KIF14: variants seen among roughly 807,000 people sequenced by gnomAD.
KIF14 encodes kinesin-like protein KIF14.
A neutral mutation model predicts 176.2 loss-of-function variants in KIF14; 98 were observed. The ratio of observed to expected loss-of-function variants is 0.56; its 90% CI spans 0.47 to 0.66. The LOEUF is 0.66. Among genes scored for constraint, KIF14 ranks in the 30% least tolerant of loss-of-function variants. The probability of loss-of-function intolerance (pLI) is 0.00; values close to 1 mark genes in which losing one functional copy is unlikely to be tolerated. For synonymous variants in KIF14, 566 were observed against 632.2 expected (o/e 0.90, Z 1.57); for missense variants, 1,751 against 1,920.4 (o/e 0.91, Z 1.65).
In KIF14 at chr1:200,552,396, A is replaced by C. The variant is rs1380166359; in HGVS notation, c.*992T>G. 1 of 152,104 alleles carries C rather than the reference A, an allele frequency of 6.6e-6. No individual in the cohort carries two copies. The highest frequency in any genetic ancestry group is 1.9e-4 in the East Asian group (1 of 5,196). 9.4% of individuals were successfully genotyped at this position (152,104 alleles called of 1,614,324 possible). On this transcript the variant is annotated 3_prime_UTR_variant, in exon 30 of 30. Transcript: ENST00000367350. Reference sequence around the variant, plus strand: ...CTTTAATCTTCATCAAATCATATACAAATTATTTCATTATACCTTTAACAA... The same window carrying C: ...CTTTAATCTTCATCAAATCATATACCAATTATTTCATTATACCTTTAACAA...
intron 4 of KIF14, among the ~76,000 whole-genome samples, chr1:200,612,010 T>TG (rs1660179939): frequency 6.6e-6 from 1 of 151,902 alleles, no homozygotes; most frequent in Non-Finnish European, 1.5e-5. Context: ...CTTTTTTTTT[T>TG]TCTTTTTTTT....
At chr1:200,605,441 A>G in intron 7 of KIF14, 51 bp from the exon 8 acceptor site, 1 of 1,310,744 alleles carries the variant, frequency 7.6e-7, no homozygotes, top group Non-Finnish European at 1.1e-6. Flanking sequence ...TAACTCAATG[A>G]TATAAAAATT....
At chr1:200,560,656 G>A in intron 26 of KIF14, 66 bp downstream of exon 26, 1 of 1,498,580 alleles carries the variant, frequency 6.7e-7, no homozygotes, top group East Asian at 2.3e-5. Flanking sequence ...GTTTAGTACT[G>A]TACTATTATC....
intron 21 of KIF14, among the ~76,000 whole-genome samples, chr1:200,578,269 T>C (rs184659440): frequency 6.6e-6 from 1 of 152,282 alleles, no homozygotes; most frequent in East Asian, 1.9e-4. Context: ...TCCTTTGTTT[T>C]ATTTTGTTTT....
At chr1:200,609,054 CA>C (rs1193071376) in intron 4 of KIF14, 126 bp from the exon 5 acceptor site, 18 of 490,590 alleles carry the variant, frequency 3.7e-5, no homozygotes, top group Middle Eastern at 5.4e-4. Context: ...AACATAAAGA[CA>C]AACAGCCCAA....
Position 200,565,512 on chromosome 1 carries a change from T to C in KIF14, c.3819A>G (p.Lys1273=), listed in dbSNP as rs944330354. 11 of 1,610,500 alleles carry C rather than the reference T, an allele frequency of 6.8e-6. No individual in the cohort carries two copies. The highest frequency in any genetic ancestry group is 1.3e-5 in the African/African-American group (1 of 74,822). ...IADSLINSFL[K]IYNGLFAISK... The stretch of plus-strand genomic sequence containing the variant: ...AAATGGCAAATAGCCCATTATAAAT[T>C]TTAAGAAAACTATTAATTAGGCTGT... Residue 1273 remains lysine, a synonymous_variant, in exon 24 of 30, where the codon AAA becomes AAG. Coordinates refer to ENST00000367350, the MANE Select transcript of KIF14 (RefSeq NM_014875.3).
intron 4 of KIF14, among the ~76,000 whole-genome samples, chr1:200,609,312 G>A (rs1255195964): frequency 2.6e-5 from 4 of 152,074 alleles, no homozygotes; most frequent in Non-Finnish European, 4.4e-5. Flanking sequence ...AAAATGGTGC[G>A]GCCAATGTGG....
intron 13 of KIF14, among the ~76,000 whole-genome samples, 192 bp downstream of exon 13, chr1:200,599,858 G>T (rs546909153): frequency 1.3e-5 from 2 of 152,278 alleles, no homozygotes; most frequent in Admixed American, 1.3e-4. Flanking sequence ...TAGTTTATGG[G>T]CTGGCTCTAA....
intron 22 of KIF14, among the ~76,000 whole-genome samples, chr1:200,574,825 T>C (rs1460628673): frequency 6.6e-6 from 1 of 152,220 alleles, no homozygotes; most frequent in Non-Finnish European, 1.5e-5. Flanking sequence ...ATAGAAGTTG[T>C]CTATCACTAT....
chr1:200,567,097 C>T (rs1657498313), intron 23 of KIF14, among the ~76,000 whole-genome samples: 1 of 151,396 alleles, frequency 6.6e-6, no homozygotes, highest in Non-Finnish European at 1.5e-5. Context: ...TCACTTGAAC[C>T]TGGGAGGAGG....
At chr1:200,605,627 T>C (rs1451409210) in intron 7 of KIF14, among the ~76,000 whole-genome samples, 3 of 152,194 alleles carry the variant, frequency 2.0e-5, no homozygotes, top group Non-Finnish European at 4.4e-5. Context: ...CATAGAAATC[T>C]GAGGCAGGAA....
rs547250192 is a variant in KIF14 at position 200,567,280 on chromosome 1, G to A, written c.3662-1611C>T. 6.8e-4 allele frequency among the ~76,000 whole-genome samples: 104 copies of A among 152,018 alleles called. 3 individuals are homozygous for A. In the South Asian group the frequency reaches 7.3e-3, roughly 11 times the overall value. On this transcript the variant is annotated intron_variant, in intron 23 of 29. Coordinates refer to ENST00000367350, the MANE Select transcript of KIF14 (RefSeq NM_014875.3). Reference sequence around the variant, plus strand: ...AAACCGGCCGGGCACGGTGGCTCACGCCTATAATCCCAGCATTTTGGGAGG... The same window carrying A: ...AAACCGGCCGGGCACGGTGGCTCACACCTATAATCCCAGCATTTTGGGAGG...
chr1:200,614,030 A>G (rs1221024825), intron 4 of KIF14, among the ~76,000 whole-genome samples: 1 of 152,256 alleles, frequency 6.6e-6, no homozygotes, highest in Non-Finnish European at 1.5e-5. Context: ...CACGTATAAC[A>G]GCACATAGCT....
At chr1:200,616,957 C>T (rs1293859999) in intron 2 of KIF14, among the ~76,000 whole-genome samples, 2 of 152,012 alleles carry the variant, frequency 1.3e-5, no homozygotes, top group Admixed American at 1.3e-4. Context: ...CTTTAGGGAA[C>T]CAGTAATTTG....
At chr1:200,563,999 T>C (rs1402562741) in intron 25 of KIF14, among the ~76,000 whole-genome samples, 2 of 152,104 alleles carry the variant, frequency 1.3e-5, no homozygotes, top group Non-Finnish European at 2.9e-5. Context: ...CAGTGGCTCA[T>C]GCCTGTAATC....
intron 15 of KIF14, 21 bp from the exon 16 acceptor site, chr1:200,592,261 T>G: frequency 6.3e-7 from 1 of 1,591,848 alleles, no homozygotes. Flanking sequence ...CAAAAAAATG[T>G]ACTACTTGAG....
At chr1:200,614,790 CAAAAAAAAAAA>C (rs67447333) in intron 3 of KIF14, among the ~76,000 whole-genome samples, 14 of 74,862 alleles carry the variant, frequency 1.9e-4, no homozygotes, top group African/African-American at 6.2e-4. Flanking sequence ...AACCTTGCTA[CAAAAAAAAAAA>C]AAAAAAAAAA....
intron 18 of KIF14, 101 bp from the exon 19 acceptor site, chr1:200,586,328 CA>C: frequency 1.0e-6 from 1 of 996,968 alleles, no homozygotes; most frequent in East Asian, 2.6e-5. Flanking sequence ...TGCTTCACTA[CA>C]GTAACCATTT....
At chr1:200,582,981 G>C (rs929488854) in intron 19 of KIF14, among the ~76,000 whole-genome samples, 2 of 152,022 alleles carry the variant, frequency 1.3e-5, no homozygotes, top group Non-Finnish European at 2.9e-5. Context: ...TAGGCCTGAA[G>C]ATCTAACTAC....
Sources: allele counts gnomAD v4.1 joint callset (sites outside exome capture counted in the v4.1 genomes callset), GRCh38; gene constraint gnomAD v4.1.1; transcripts MANE v1.5; gene names NCBI Gene and HGNC (gene_info 2026-07-23, HGNC 2026-07-21).